Variants in GPD2 observed in about 807,000 individuals in gnomAD.
GPD2 encodes glycerol-3-phosphate dehydrogenase 2.
In GPD2, 54 loss-of-function variants were observed where a neutral mutation model predicts 82.4. The observed-to-expected ratio is 0.66, with a 90% CI of 0.53 to 0.82. The LOEUF (loss-of-function observed/expected upper bound fraction) is 0.82, where lower values mean the gene tolerates loss of function less well. Ranked by LOEUF, GPD2 falls within the 40% of genes least tolerant of loss-of-function variation. The pLI is 0.00. For missense variants in GPD2, 748 were observed against 896.2 expected, an observed-to-expected ratio of 0.83 and a Z score of 2.11; for synonymous variants, 288 against 306.1, an observed-to-expected ratio of 0.94 and a Z score of 0.62.
In GPD2 at chr2:156,478,649, G is replaced by C. The variant is rs143130839; in HGVS notation, c.102+2442G>C. On this transcript the variant is annotated intron_variant, in intron 2 of 16. Transcript: ENST00000438166. ...TGCCAATAAGAGCCATTCTAGCGGG[G>C]GGGAATTTTCCTGACTTCAATAGTC... Among the ~76,000 whole-genome samples, 65 of 152,154 alleles carry C rather than the reference G, an allele frequency of 4.3e-4. 1 individual carries two copies. The highest frequency in any genetic ancestry group is 1.5e-3 in the African/African-American group (64 of 41,508).
chr2:156,421,343 T>G, the GPD2 span, among the ~76,000 whole-genome samples: 1 of 152,232 alleles, frequency 6.6e-6, no homozygotes, highest in Non-Finnish European at 1.5e-5. Flanking sequence ...GCATGTTATT[T>G]TTCCATACAC....
chr2:156,565,717 G>C (rs927946589), intron 9 of GPD2, among the ~76,000 whole-genome samples: 9 of 152,092 alleles, frequency 5.9e-5, no homozygotes, highest in African/African-American at 1.9e-4. Flanking sequence ...AAATATGCCA[G>C]ATTAACTTGA....
chr2:156,472,649 CAGA>C (rs1306235538), intron 1 of GPD2, among the ~76,000 whole-genome samples: 3 of 152,172 alleles, frequency 2.0e-5, no homozygotes, highest in African/African-American at 7.2e-5. Context: ...CATTACCTGG[CAGA>C]AGATTACTAG....
intron 2 of GPD2, among the ~76,000 whole-genome samples, chr2:156,485,555 A>G (rs899184828): frequency 1.3e-5 from 2 of 152,252 alleles, no homozygotes; most frequent in Non-Finnish European, 2.9e-5. Context: ...AACTAAGCAC[A>G]TGTCAAACTT....
the GPD2 span, among the ~76,000 whole-genome samples, chr2:156,408,413 G>T: frequency 2.0e-5 from 3 of 152,106 alleles, no homozygotes; most frequent in African/African-American, 4.8e-5. Context: ...TGAAAGCATC[G>T]CCTGGGAACT....
chr2:156,580,399 A>G (rs1687985272), intron 16 of GPD2, among the ~76,000 whole-genome samples: 2 of 152,346 alleles, frequency 1.3e-5, no homozygotes, highest in African/African-American at 4.8e-5. Context: ...CATGCAGGAA[A>G]TAAATTTTGT....
chr2:156,506,697 C>T lies in GPD2; in HGVS notation c.275-4099C>T, dbSNP rs146266232. Among the ~76,000 whole-genome samples, 292 of 152,230 alleles carry T rather than the reference C, an allele frequency of 1.9e-3. 1 individual carries two copies. Among genetic ancestry groups the T allele is most frequent in the African/African-American group, 6.8e-3 (281 of 41,552 alleles). On this transcript the variant is annotated intron_variant, in intron 3 of 16. Transcript: ENST00000438166. ...GAGGCCGGATTCTTCATTGCCCCAA[C>T]TCCTGTTATATGACACTGGTCCTCC...
At chr2:156,405,322 C>T in the GPD2 span, among the ~76,000 whole-genome samples, 1 of 152,130 alleles carries the variant, frequency 6.6e-6, no homozygotes, top group Admixed American at 6.5e-5. Flanking sequence ...GGAAGAGGTG[C>T]CTGCTAGGTG....
rs746067413 is a variant in GPD2 at position 156,579,106 on chromosome 2, A to T, written c.1901A>T (p.Lys634Met). ...TCCAGGTATAAGAAGAGATTTCATA[A>T]GTTTGATGCAGACCAGAAAGGCTTT... ...DIDRYKKRFH[K>M]FDADQKGFIT... The change falls in exon 15 of 17, where the codon AAG becomes ATG. Residue 634 changes from lysine (K) to methionine (M), a missense_variant. Lys to Met is a moderately conservative substitution (Grantham distance 95). This residue lies in a region of GPD2 where 692 missense variants were observed against 809.7 expected (regional missense o/e 0.85). Transcript: ENST00000438166. 1.2e-6 allele frequency: 2 copies of T among 1,608,110 alleles called. No homozygotes were observed. Among genetic ancestry groups the T allele is most frequent in the Non-Finnish European group, 1.7e-6 (2 of 1,174,836 alleles).
intron 1 of GPD2, among the ~76,000 whole-genome samples, chr2:156,439,622 G>A (rs930991927): frequency 2.6e-4 from 39 of 147,744 alleles, no homozygotes; most frequent in Non-Finnish European, 4.6e-4. Context: ...CTAGGCAGGC[G>A]GATCACCTGA....
chr2:156,457,773 G>A (rs139724812), intron 1 of GPD2, among the ~76,000 whole-genome samples: 34 of 152,338 alleles, frequency 2.2e-4, no homozygotes, highest in African/African-American at 6.5e-4. Flanking sequence ...CCAATTCCAC[G>A]TGCAAATGTG....
chr2:156,525,280 G>GC (rs1685561994), intron 6 of GPD2, among the ~76,000 whole-genome samples: 2 of 152,128 alleles, frequency 1.3e-5, no homozygotes, highest in South Asian at 4.1e-4. Flanking sequence ...CCTGCAGTTG[G>GC]CCCCTGAGCC....
intron 2 of GPD2, among the ~76,000 whole-genome samples, chr2:156,492,125 C>G (rs297584): frequency 0.98 from 135,603 of 138,474 alleles, 66,467 homozygotes; most frequent in East Asian, 1. Context: ...ATTCTCACCA[C>G]CACTTGGTAT....
At chr2:156,484,738 G>T (rs1430438378) in intron 2 of GPD2, among the ~76,000 whole-genome samples, 1 of 152,118 alleles carries the variant, frequency 6.6e-6, no homozygotes, top group African/African-American at 2.4e-5. Flanking sequence ...TACTCAGGAG[G>T]CTGAGACAGG....
At chr2:156,582,752 T>C in intron 16 of GPD2, 41 bp from the exon 17 acceptor site, 1 of 1,607,734 alleles carries the variant, frequency 6.2e-7, no homozygotes, top group Non-Finnish European at 8.5e-7. Flanking sequence ...AGAGAGTAAG[T>C]TGGCCTGCGT....
At chr2:156,415,407 C>T in the GPD2 span, among the ~76,000 whole-genome samples, 1 of 152,054 alleles carries the variant, frequency 6.6e-6, no homozygotes, top group Non-Finnish European at 1.5e-5. Context: ...ATCCACCCGC[C>T]TCGGCCTTCC....
chr2:156,458,343 G>A (rs1682858668), intron 1 of GPD2, among the ~76,000 whole-genome samples: 1 of 152,200 alleles, frequency 6.6e-6, no homozygotes, highest in Admixed American at 6.5e-5. Flanking sequence ...CAGGAAGGTT[G>A]ATCAGCTTTG....
At chr2:156,492,284 G>C (rs1192010212) in intron 2 of GPD2, among the ~76,000 whole-genome samples, 1 of 147,932 alleles carries the variant, frequency 6.8e-6, no homozygotes, top group East Asian at 2.1e-4. Context: ...CTCCTGAGTA[G>C]CTGGAACTAT....
intron 3 of GPD2, among the ~76,000 whole-genome samples, chr2:156,503,565 TAATA>T (rs2105256502): frequency 6.6e-6 from 1 of 152,334 alleles, no homozygotes; most frequent in African/African-American, 2.4e-5. Context: ...GAGTCTGGCT[TAATA>T]AATTGGATAT....
Sources: allele counts gnomAD v4.1 joint callset (sites outside exome capture counted in the v4.1 genomes callset), GRCh38; gene constraint gnomAD v4.1.1; regional missense constraint gnomAD v4.1.1; transcripts MANE v1.5; gene names NCBI Gene and HGNC (gene_info 2026-07-23, HGNC 2026-07-21).